The following TBCE variants were observed in gnomAD, a reference collection of about 807,000 sequenced individuals.
TBCE encodes the protein tubulin-specific chaperone E.
TBCE carries 53 observed loss-of-function variants against 77.0 expected under a neutral mutation model. The observed-to-expected ratio is 0.69, with a 90% CI of 0.55 to 0.87. The LOEUF (loss-of-function observed/expected upper bound fraction) is 0.87, where lower values mean the gene tolerates loss of function less well. TBCE is among the 40% of genes least tolerant of loss of function. The pLI is 0.00. For synonymous variants in TBCE, 235 were observed against 241.3 expected (o/e 0.97, Z 0.24); for missense variants, 624 against 622.4 (o/e 1.00, Z -0.03).
intron 6 of TBCE, chr1:235,429,041 T>G (rs1680937961): frequency 6.9e-6 from 1 of 144,764 alleles, no homozygotes; most frequent in African/African-American, 2.6e-5. Flanking sequence ...CAGGCTGGAG[T>G]GCAATGGCGC....
chr1:235,397,294 T>C (rs891231766), intron 2 of TBCE, among the ~76,000 whole-genome samples: 4 of 150,438 alleles, frequency 2.7e-5, no homozygotes, highest in South Asian at 4.2e-4. Flanking sequence ...CTCCGCCTCC[T>C]GGGTTCACGC....
rs146800614 is a variant in TBCE at position 235,433,021 on chromosome 1, G to A, written c.661-1183G>A. The A allele has an allele frequency of 5.8e-5, 90 of 1,539,604 alleles. No homozygotes were observed. The East Asian group carries it at 1.5e-3, about 26-fold the overall frequency. ...CGCCAGCAAGTTCGTGGATCTGTGC[G>A]TGCTGCAGAAATGCTCCACCAGCAA... On this transcript the variant is annotated intron_variant, in intron 7 of 16. Transcript: ENST00000642610.
chr1:235,399,192 C>T (rs753244622), intron 2 of TBCE, among the ~76,000 whole-genome samples: 8 of 152,064 alleles, frequency 5.3e-5, no homozygotes, highest in Non-Finnish European at 7.4e-5. Flanking sequence ...TGAGCTCAAG[C>T]AATCCACCCG....
intron 13 of TBCE, chr1:235,441,433 A>G (rs1035399421): frequency 1.8e-5 from 5 of 277,914 alleles, no homozygotes; most frequent in Admixed American, 5.1e-5. Flanking sequence ...ACCAAAGGTG[A>G]CACTCGGGGA....
intron 4 of TBCE, 174 bp from the exon 5 acceptor site, chr1:235,419,299 T>C (rs758909070): frequency 2.2e-6 from 2 of 899,898 alleles, no homozygotes; most frequent in Non-Finnish European, 3.4e-6. Flanking sequence ...GTAATATTTG[T>C]AGTGCTCTTT....
intron 15 of TBCE, among the ~76,000 whole-genome samples, chr1:235,444,096 A>G (rs1469496772): frequency 6.6e-6 from 1 of 152,184 alleles, no homozygotes; most frequent in Non-Finnish European, 1.5e-5. Context: ...GTAAATTCAC[A>G]TTGATTTTTA....
At chr1:235,411,391 C>T (rs990250788) in intron 3 of TBCE, among the ~76,000 whole-genome samples, 9 of 152,194 alleles carry the variant, frequency 5.9e-5, no homozygotes, top group Non-Finnish European at 4.4e-5. Context: ...CCACTTGTGT[C>T]CCAAGGTCAC....
intron 5 of TBCE, chr1:235,423,724 G>C (rs991199392): frequency 6.6e-6 from 1 of 152,528 alleles, no homozygotes; most frequent in African/African-American, 2.4e-5. Context: ...AGCCTGCACC[G>C]ACTCTTTTCC....
At chr1:235,445,604 C>A (rs1418030181) in intron 15 of TBCE, among the ~76,000 whole-genome samples, 1 of 152,130 alleles carries the variant, frequency 6.6e-6, no homozygotes, top group Non-Finnish European at 1.5e-5. Flanking sequence ...CCACTGCAAT[C>A]TGGCCTGGGT....
At chr1:235,404,232 G>A (rs894243891) in intron 3 of TBCE, among the ~76,000 whole-genome samples, 19 of 151,836 alleles carry the variant, frequency 1.3e-4, no homozygotes, top group African/African-American at 4.1e-4. Flanking sequence ...AGCTGAGGTC[G>A]TGCCACTGCA....
intron 3 of TBCE, among the ~76,000 whole-genome samples, chr1:235,407,613 T>C (rs1204721896): frequency 6.6e-6 from 1 of 152,186 alleles, no homozygotes. Flanking sequence ...AACTGAATTC[T>C]TGGAGCAGGT....
At position 235,374,264 on chromosome 1, in the gene TBCE, T is replaced by TA. The variant is rs2102801141; in HGVS notation, c.-31-5752dup. On this transcript the variant is annotated intron_variant, in intron 1 of 16. Transcript: ENST00000642610. ...AGCCACTTTGCCTAGCCTACACTGT[T>TA]AAATGAATGCTTTTCAGACCATTGT... is the stretch of plus-strand genomic sequence containing the variant. Among the ~76,000 whole-genome samples the TA allele has an allele frequency of 1.4e-5, 2 of 146,258 alleles. 1 individual carries two copies. Among genetic ancestry groups the TA allele is most frequent in the South Asian group, 4.3e-4 (2 of 4,672 alleles).
At chr1:235,414,648 CTTTTATGGTT>C (rs1680013782) in intron 4 of TBCE, 30 bp downstream of exon 4, 1 of 1,608,118 alleles carries the variant, frequency 6.2e-7, no homozygotes, top group Non-Finnish European at 8.5e-7. Flanking sequence ...GCAGAGCTGA[CTTTTATGGTT>C]TTATTAAGGT....
intron 3 of TBCE, among the ~76,000 whole-genome samples, chr1:235,408,260 C>G (rs1679572931): frequency 6.6e-6 from 1 of 152,078 alleles, no homozygotes; most frequent in Non-Finnish European, 1.5e-5. Flanking sequence ...GTGCCTGTAT[C>G]AAAATATTGT....
At chr1:235,448,286 G>A (rs544441211) in intron 15 of TBCE, 63 bp from the exon 16 acceptor site, 1 of 1,249,916 alleles carries the variant, frequency 8.0e-7, no homozygotes, top group South Asian at 1.2e-5. Flanking sequence ...CTCATCACAT[G>A]AGCTAGTTTT....
intron 3 of TBCE, among the ~76,000 whole-genome samples, chr1:235,411,888 G>C (rs1679800411): frequency 6.6e-6 from 1 of 151,894 alleles, no homozygotes; most frequent in African/African-American, 2.4e-5. Context: ...AGGGTAGGCT[G>C]TGCTCACTTG....
chr1:235,443,222 G>A (rs899222368), intron 15 of TBCE, among the ~76,000 whole-genome samples: 2 of 151,396 alleles, frequency 1.3e-5, no homozygotes, highest in African/African-American at 4.9e-5. Flanking sequence ...TTTTTTTTGA[G>A]ACAGGGCCTC....
chr1:235,368,590 C>T (rs371869053), intron 1 of TBCE, among the ~76,000 whole-genome samples: 1 of 96,056 alleles, frequency 1.0e-5, no homozygotes, highest in African/African-American at 4.3e-5. Flanking sequence ...TGGAGTCTTG[C>T]TCTGTCGCCC....
chr1:235,368,552 CTT>C (rs757168655), intron 1 of TBCE, among the ~76,000 whole-genome samples: 4 of 49,768 alleles, frequency 8.0e-5, no homozygotes, highest in African/African-American at 2.8e-4. Context: ...GGACAGCCTG[CTT>C]TTTTTTTTTT....
Sources: gnomAD v4.1 joint callset for allele counts (sites outside exome capture counted in the v4.1 genomes callset) on GRCh38, gnomAD v4.1.1 for gene constraint, MANE v1.5 for transcripts, NCBI Gene and HGNC (gene_info 2026-07-23, HGNC 2026-07-21) for gene names.